The following AFG2A variants were observed in gnomAD, a reference collection of about 807,000 sequenced individuals.
AFG2A encodes AAA ATPase AFG2A.
At chr4:122,930,630 G>T in the AFG2A span, among the ~76,000 whole-genome samples, 132,798 of 152,220 alleles carry the variant, frequency 0.87, 58,226 homozygotes, top group East Asian at 0.96. Context: ...CACACACACA[G>T]TTACCCTTTT....
At chr4:122,940,580 C>G in the AFG2A span, among the ~76,000 whole-genome samples, 344 of 151,840 alleles carry the variant, frequency 2.3e-3, no homozygotes, top group African/African-American at 7.6e-3. Context: ...CATTCTGTAG[C>G]TTCCCTGTTC....
At chr4:123,093,608 A>G in the AFG2A span, among the ~76,000 whole-genome samples, 2 of 152,106 alleles carry the variant, frequency 1.3e-5, no homozygotes, top group African/African-American at 4.8e-5. Flanking sequence ...CTCCTACCTT[A>G]TTCCCCCCTC....
chr4:123,003,654 A>G, the AFG2A span, among the ~76,000 whole-genome samples: 1 of 151,874 alleles, frequency 6.6e-6, no homozygotes, highest in East Asian at 1.9e-4. Context: ...CTGTCTGATC[A>G]TCCCTCTGGA....
the AFG2A span, among the ~76,000 whole-genome samples, chr4:123,300,853 C>G: frequency 6.6e-6 from 1 of 151,564 alleles, no homozygotes; most frequent in African/African-American, 2.4e-5. Flanking sequence ...TTAGGAGCAG[C>G]TGTTGAAATT....
chr4:123,060,715 T>G, the AFG2A span, among the ~76,000 whole-genome samples: 1 of 152,158 alleles, frequency 6.6e-6, no homozygotes, highest in African/African-American at 2.4e-5. Context: ...GTCTCTGATC[T>G]TCCCTGGAGA....
the AFG2A span, among the ~76,000 whole-genome samples, chr4:122,980,138 T>A: frequency 6.6e-6 from 1 of 152,118 alleles, no homozygotes; most frequent in Admixed American, 6.6e-5. Context: ...ACCTCATTCC[T>A]CCCCTCATTT....
At chr4:122,923,134 C>T in the AFG2A span, 12 of 1,614,048 alleles carry the variant, frequency 7.4e-6, no homozygotes, top group Non-Finnish European at 7.6e-6. Context: ...GCTAGGGTAC[C>T]TTGTGACCAT....
the AFG2A span, among the ~76,000 whole-genome samples, chr4:123,111,295 GTT>G: frequency 4.6e-5 from 7 of 152,020 alleles, no homozygotes; most frequent in Non-Finnish European, 8.8e-5. Context: ...TTAGCATAGA[GTT>G]TTATATTTTC....
At chr4:123,098,725 C>T in the AFG2A span, among the ~76,000 whole-genome samples, 3 of 152,066 alleles carry the variant, frequency 2.0e-5, no homozygotes, top group Admixed American at 2.0e-4. Context: ...AATAGGATTA[C>T]CTTCTGTATA....
the AFG2A span, among the ~76,000 whole-genome samples, chr4:123,186,005 A>G: frequency 6.6e-6 from 1 of 152,180 alleles, no homozygotes; most frequent in East Asian, 1.9e-4. Flanking sequence ...ATGGATATTT[A>G]CGGACTATAT....
At chr4:123,038,956 C>G in the AFG2A span, among the ~76,000 whole-genome samples, 3 of 152,060 alleles carry the variant, frequency 2.0e-5, no homozygotes, top group East Asian at 5.8e-4. Flanking sequence ...AACAAAGTAT[C>G]AAGAATGTTT....
chr4:123,283,008 T>C, the AFG2A span, among the ~76,000 whole-genome samples: 1 of 152,128 alleles, frequency 6.6e-6, no homozygotes. Context: ...TGAATATAAG[T>C]GTCTTGCACT....
the AFG2A span, among the ~76,000 whole-genome samples, chr4:123,133,164 A>C: frequency 6.6e-6 from 1 of 152,208 alleles, no homozygotes; most frequent in Admixed American, 6.5e-5. Flanking sequence ...TCGAGACTGC[A>C]TAGAGGATTT....
At chr4:122,958,694 C>G in the AFG2A span, among the ~76,000 whole-genome samples, 1 of 152,158 alleles carries the variant, frequency 6.6e-6, no homozygotes, top group Admixed American at 6.5e-5. Flanking sequence ...CCAGGTGATG[C>G]TAATGCTGGT....
the AFG2A span, among the ~76,000 whole-genome samples, chr4:123,124,699 A>C: frequency 1.3e-5 from 2 of 152,206 alleles, no homozygotes; most frequent in South Asian, 2.1e-4. Flanking sequence ...CATGTATTTC[A>C]TTATTTGGTG....
chr4:123,182,514 A>G, the AFG2A span, among the ~76,000 whole-genome samples: 1 of 152,218 alleles, frequency 6.6e-6, no homozygotes, highest in African/African-American at 2.4e-5. Flanking sequence ...GACTAATTCT[A>G]GGACTTCCAT....
chr4:123,092,884 C>G, the AFG2A span, among the ~76,000 whole-genome samples: 1 of 152,120 alleles, frequency 6.6e-6, no homozygotes, highest in Non-Finnish European at 1.5e-5. Flanking sequence ...TGGAAAACTC[C>G]ATTATGTTTT....
At chr4:122,998,394 C>A in the AFG2A span, among the ~76,000 whole-genome samples, 1 of 151,902 alleles carries the variant, frequency 6.6e-6, no homozygotes, top group African/African-American at 2.4e-5. Context: ...ATGTGCCATG[C>A]TGGTGTGCTG....
At chr4:122,957,679 C>G in the AFG2A span, among the ~76,000 whole-genome samples, 3 of 152,286 alleles carry the variant, frequency 2.0e-5, no homozygotes, top group East Asian at 3.9e-4. Context: ...TTGAGTTGCT[C>G]TCAGTCCTTT....
Sources: gnomAD v4.1 joint callset for allele counts (sites outside exome capture counted in the v4.1 genomes callset) on GRCh38, gnomAD v4.1.1 for gene constraint, MANE v1.5 for transcripts, NCBI Gene and HGNC (gene_info 2026-07-23, HGNC 2026-07-21) for gene names.